NYX: variants seen among roughly 807,000 people sequenced by gnomAD.
NYX encodes the protein nyctalopin, also known as leucine-rich repeat protein.
For synonymous variants in NYX, 258 were observed against 245.7 expected (o/e 1.05, Z -0.47); for missense variants, 481 against 485.4 (o/e 0.99, Z 0.09).
chrX:41,473,779 TGCCGCGCCTGGCTGA>T lies in NYX; in HGVS notation c.314_328del (p.Pro105_Glu109del). 1 of 1,141,285 alleles carries T rather than the reference TGCCGCGCCTGGCTGA, an allele frequency of 8.8e-7. No individual in the cohort carries two copies. Among genetic ancestry groups the T allele is most frequent in the Non-Finnish European group, 1.2e-6 (1 of 866,425 alleles). 94.1% of individuals were successfully genotyped at this position (1,141,285 alleles called of 1,213,427 possible). A position where few individuals can be genotyped will look rare whatever the true frequency, so the allele number is the denominator to read the frequency against. ...ATCACGCCCGGCGCCTTCAAGGGCC[TGCCGCGCCTGGCTGA>T]GCTGCGCCTGGCGCACAACGGCGAC... On this transcript the variant is annotated inframe_deletion, in exon 3 of 3. Transcript: ENST00000378220.
In NYX at chrX:41,475,162, T is replaced by C; in HGVS notation, c.*263T>C. On this transcript the variant is annotated 3_prime_UTR_variant, in exon 3 of 3. Coordinates refer to ENST00000378220, the MANE Select transcript of NYX (RefSeq NM_001378477.3). ...GGCCCTCGGGTGGGAAGACTAGGAATCGGAAGCTTCTAGGGCTTCACATCC... is the reference window on the plus strand; with the variant it reads ...GGCCCTCGGGTGGGAAGACTAGGAACCGGAAGCTTCTAGGGCTTCACATCC... The C allele has an allele frequency of 9.7e-6, 4 of 412,637 alleles. No individual in the cohort carries two copies. The highest frequency in any genetic ancestry group is 1.7e-5 in the Non-Finnish European group (4 of 234,374). 34.0% of individuals were successfully genotyped at this position (412,637 alleles called of 1,213,427 possible). A position where few individuals can be genotyped will look rare whatever the true frequency, so the allele number is the denominator to read the frequency against.
intron 2 of NYX, among the ~76,000 whole-genome samples, chrX:41,450,133 C>T (rs1477558063): frequency 8.9e-6 from 1 of 112,096 alleles, no homozygotes; most frequent in African/African-American, 3.2e-5. Flanking sequence ...ACCTCCACCT[C>T]CTCCCCCCAT....
intron 2 of NYX, among the ~76,000 whole-genome samples, chrX:41,458,232 T>C (rs757666590): frequency 1.8e-5 from 2 of 111,906 alleles, no homozygotes; most frequent in Admixed American, 9.5e-5. Flanking sequence ...TAGGAGGACA[T>C]ATTCAAACCA....
Position 41,454,293 on chromosome X carries a change from A to AT in NYX, c.22+6369dup, listed in dbSNP as rs1199297971. ...TCTGACAACTGGTGTCTTGCTTTCC[A>AT]TTCTAGGGCAGATTTCCACATGGTC... On this transcript the variant is annotated intron_variant, in intron 2 of 2. Coordinates refer to ENST00000378220, the MANE Select transcript of NYX (RefSeq NM_001378477.3). Among the ~76,000 whole-genome samples, 3 of 110,385 alleles carry AT rather than the reference A, an allele frequency of 2.7e-5. No individual in the cohort carries two copies. In the Admixed American group the frequency reaches 2.9e-4, roughly 11 times the overall value.
At chrX:41,451,152 A>C (rs1368599734) in intron 2 of NYX, among the ~76,000 whole-genome samples, 2 of 111,313 alleles carry the variant, frequency 1.8e-5, no homozygotes, top group African/African-American at 6.5e-5. Flanking sequence ...TACAATTTAA[A>C]ACACTGACAA....
rs752534669 is a variant in NYX, at chrX:41,451,068, T to C, written c.22+3142T>C. On this transcript the variant is annotated intron_variant, in intron 2 of 2. Coordinates refer to ENST00000378220, the MANE Select transcript of NYX (RefSeq NM_001378477.3). ...AAACTCCTGGCCTCAAGTGACAGGC[T>C]CAAGTGAGGCTGCCTCAGCCTCCCA... 7.7e-4 allele frequency among the ~76,000 whole-genome samples: 83 copies of C among 107,875 alleles called. 3 individuals carry two copies. Among genetic ancestry groups the C allele is most frequent in the Non-Finnish European group, 1.5e-4 (8 of 52,167 alleles). The allele number at this position is 107,875 out of a possible 115,157, so 93.7% of individuals were successfully genotyped here.
chrX:41,447,802 C>T lies in NYX; in HGVS notation c.-56-47C>T, dbSNP rs1446808796. On this transcript the variant is annotated intron_variant, in intron 1 of 2. Coordinates refer to ENST00000378220, the MANE Select transcript of NYX (RefSeq NM_001378477.3). Reference sequence around the variant, plus strand: ...AAGTGTGGAGGCATGGGAGGGTTCTCATGGGGCCCTCCTGGGCACTGGGTG... The same window carrying T: ...AAGTGTGGAGGCATGGGAGGGTTCTTATGGGGCCCTCCTGGGCACTGGGTG... The T allele has an allele frequency of 4.1e-6, 4 of 980,116 alleles. 1 individual carries two copies. The highest frequency in any genetic ancestry group is 2.6e-4 in the Middle Eastern group (1 of 3,906). 80.8% of individuals were successfully genotyped at this position (980,116 alleles called of 1,213,427 possible).
intron 2 of NYX, among the ~76,000 whole-genome samples, chrX:41,450,829 T>TATA (rs1491392464): frequency 3.1e-3 from 31 of 9,967 alleles, no homozygotes; most frequent in Admixed American, 0.011. Context: ...TATATATATA[T>TATA]TTTTTTTTTT....
chrX:41,473,695 C>A lies in NYX; in HGVS notation c.227C>A (p.Ala76Asp). ...GGCCTGCGCTTCCTGGGCGAGCGAG[C>A]CTTCGGCACGCTGCCGTCCTTGCGC... ...RNGLRFLGER[A>D]FGTLPSLRRL... The change falls in exon 3 of 3, where the codon GCC becomes GAC. Residue 76 changes from alanine to aspartate, a missense_variant. Transcript: ENST00000378220. 1 of 1,141,302 alleles carries A rather than the reference C, an allele frequency of 8.8e-7. No individual in the cohort carries two copies. The highest frequency in any genetic ancestry group is 1.2e-6 in the Non-Finnish European group (1 of 865,967). The allele number at this position is 1,141,302 out of a possible 1,213,427, so 94.1% of individuals were successfully genotyped here.
In NYX at chrX:41,466,561, A is replaced by T. The variant is rs1602177018; in HGVS notation, c.23-6930A>T. 5.1e-5 allele frequency among the ~76,000 whole-genome samples: 5 copies of T among 98,427 alleles called. No homozygotes were observed. The South Asian group carries it at 1.4e-3, about 28-fold the overall frequency. The allele number at this position is 98,427 out of a possible 115,157, so 85.5% of individuals were successfully genotyped here. ...GGTTGTTCCCTGGTGCTTTAAAACA[A>T]TTTTTTTTTTTTTTTGAGACAGAGT... On this transcript the variant is annotated intron_variant, in intron 2 of 2. Transcript: ENST00000378220.
intron 2 of NYX, among the ~76,000 whole-genome samples, chrX:41,466,727 T>C (rs1267757800): frequency 1.1e-4 from 10 of 89,260 alleles, no homozygotes; most frequent in Non-Finnish European, 2.2e-4. Context: ...GCCTGGCTAA[T>C]TTTTTTTTTT....
intron 2 of NYX, chrX:41,472,642 T>C (rs2064366371): frequency 4.4e-6 from 2 of 459,583 alleles, no homozygotes; most frequent in South Asian, 3.5e-5. Context: ...GAAAGGTCAC[T>C]GGAGCCTGCA....
chrX:41,448,834 G>A (rs991184784), intron 2 of NYX, among the ~76,000 whole-genome samples: 22 of 110,501 alleles, frequency 2.0e-4, no homozygotes, highest in African/African-American at 6.2e-4. Flanking sequence ...TGCTGGGATT[G>A]CAGGCATGAA....
rs953176637 is a variant in NYX at position 41,457,237 on chromosome X, C to T, written c.22+9311C>T. On this transcript the variant is annotated intron_variant, in intron 2 of 2. Transcript: ENST00000378220. Reference sequence around the variant, plus strand: ...AGGAGAATCGCTTGAACCCGGGAGGCGGAGGTTGCAGTGAGCCGAGATCGT... The same window carrying T: ...AGGAGAATCGCTTGAACCCGGGAGGTGGAGGTTGCAGTGAGCCGAGATCGT... Among the ~76,000 whole-genome samples the T allele has an allele frequency of 3.1e-5, 3 of 97,203 alleles. No individual in the cohort carries two copies. The South Asian group carries it at 1.6e-3, about 53-fold the overall frequency. The allele number at this position is 97,203 out of a possible 115,157, so 84.4% of individuals were successfully genotyped here. A position where few individuals can be genotyped will look rare whatever the true frequency, so the allele number is the denominator to read the frequency against.
intron 2 of NYX, among the ~76,000 whole-genome samples, chrX:41,466,726 A>AT (rs766235550): frequency 0.022 from 1,425 of 65,787 alleles, 21 homozygotes; most frequent in African/African-American, 0.067. Context: ...TGCCTGGCTA[A>AT]TTTTTTTTTT....
intron 2 of NYX, among the ~76,000 whole-genome samples, chrX:41,470,723 C>T (rs925368015): frequency 1.9e-5 from 2 of 105,522 alleles, no homozygotes; most frequent in Non-Finnish European, 3.9e-5. Context: ...ATCATTGATG[C>T]AGTATTTTAC....
chrX:41,465,835 T>C (rs1249293378), intron 2 of NYX, among the ~76,000 whole-genome samples: 1 of 109,313 alleles, frequency 9.1e-6, no homozygotes, highest in African/African-American at 3.3e-5. Flanking sequence ...GACCTTGAAC[T>C]CTTAAACTGC....
chrX:41,448,183 A>G (rs1454211736), intron 2 of NYX, among the ~76,000 whole-genome samples: 2 of 111,668 alleles, frequency 1.8e-5, no homozygotes, highest in Non-Finnish European at 3.8e-5. Context: ...TTCTTATTCT[A>G]ATTTCAGATA....
intron 2 of NYX, among the ~76,000 whole-genome samples, chrX:41,462,893 C>A (rs1010493398): frequency 8.9e-6 from 1 of 111,898 alleles, no homozygotes; most frequent in African/African-American, 3.2e-5. Context: ...TTCTCACAGT[C>A]TATTGCCCGT....
Sources: allele counts gnomAD v4.1 joint callset (sites outside exome capture counted in the v4.1 genomes callset), GRCh38; gene constraint gnomAD v4.1.1; transcripts MANE v1.5; gene names NCBI Gene and HGNC (gene_info 2026-07-23, HGNC 2026-07-21).